Variants in LYPD6B observed in about 807,000 individuals in gnomAD.
LYPD6B encodes LY6/PLAUR domain containing 6B, also known as ly6/PLAUR domain-containing protein 6B.
A neutral mutation model predicts 22.8 loss-of-function variants in LYPD6B; 17 were observed. That is an observed-to-expected ratio of 0.75 (90% CI 0.51 to 1.12). The LOEUF (loss-of-function observed/expected upper bound fraction) is 1.12, where lower values mean the gene tolerates loss of function less well. Ranked by LOEUF, LYPD6B falls within the 50% of genes most tolerant of loss-of-function variation. The probability of loss-of-function intolerance (pLI) is 0.00; values close to 1 mark genes in which losing one functional copy is unlikely to be tolerated. For synonymous variants in LYPD6B, 106 were observed against 91.6 expected, an observed-to-expected ratio of 1.16 and a Z score of -0.90; for missense variants, 221 against 258.3, an observed-to-expected ratio of 0.86 and a Z score of 0.99.
Position 149,194,634 on chromosome 2 carries a change from T to A in LYPD6B, c.78-10619T>A, listed in dbSNP as rs1295014576. On this transcript the variant is annotated intron_variant, in intron 3 of 6. Coordinates refer to ENST00000409642, the MANE Select transcript of LYPD6B (RefSeq NM_177964.5). ...GGAGCTGTGGGACATGATGATAACC[T>A]GATGGGGAGGGAGTCAGGGGAATAA... Among the ~76,000 whole-genome samples the A allele has an allele frequency of 2.6e-5, 4 of 152,180 alleles. No homozygotes were observed. The East Asian group carries it at 7.7e-4, about 29-fold the overall frequency.
chr2:149,214,249 G>A (rs1210596525), intron 6 of LYPD6B, among the ~76,000 whole-genome samples: 1 of 152,046 alleles, frequency 6.6e-6, no homozygotes, highest in Non-Finnish European at 1.5e-5. Context: ...GAAGATTTGT[G>A]GACTCAATCA....
intron 1 of LYPD6B, among the ~76,000 whole-genome samples, chr2:149,051,508 A>G (rs1292854101): frequency 6.6e-6 from 1 of 152,168 alleles, no homozygotes; most frequent in Non-Finnish European, 1.5e-5. Context: ...TCATGAAGGT[A>G]TATCTGTTGC....
intron 1 of LYPD6B, among the ~76,000 whole-genome samples, chr2:149,103,353 A>C (rs1460705042): frequency 1.3e-5 from 2 of 152,198 alleles, no homozygotes; most frequent in South Asian, 4.1e-4. Flanking sequence ...TTCACAGAAC[A>C]TTAAGCTTAA....
At chr2:149,132,777 T>G (rs181535663) in intron 2 of LYPD6B, among the ~76,000 whole-genome samples, 45 of 152,324 alleles carry the variant, frequency 3.0e-4, no homozygotes, top group African/African-American at 1.0e-3. Context: ...GGCAGGCAGT[T>G]TAGTAGAACA....
chr2:149,135,765 T>G (rs1209061949), intron 2 of LYPD6B, among the ~76,000 whole-genome samples: 1 of 139,500 alleles, frequency 7.2e-6, no homozygotes, highest in Non-Finnish European at 1.6e-5. Context: ...TTTTCCAAAC[T>G]ATTTCTGTGG....
At chr2:149,093,224 C>T (rs974328740) in intron 1 of LYPD6B, among the ~76,000 whole-genome samples, 8 of 151,784 alleles carry the variant, frequency 5.3e-5, no homozygotes, top group East Asian at 1.9e-4. Flanking sequence ...TTTTTGGCAA[C>T]GATCAAAGGA....
intron 3 of LYPD6B, among the ~76,000 whole-genome samples, chr2:149,184,024 C>A (rs1380021884): frequency 2.0e-5 from 3 of 152,040 alleles, no homozygotes; most frequent in African/African-American, 7.2e-5. Context: ...GAAACTCCAT[C>A]TCTACTAAAA....
chr2:149,172,406 A>C (rs1690900642), intron 3 of LYPD6B, among the ~76,000 whole-genome samples: 1 of 152,036 alleles, frequency 6.6e-6, no homozygotes, highest in Non-Finnish European at 1.5e-5. Context: ...CCTCCTTCAG[A>C]CCAGTCATCA....
At chr2:149,177,224 T>TG (rs1407533018) in intron 3 of LYPD6B, among the ~76,000 whole-genome samples, 1 of 152,206 alleles carries the variant, frequency 6.6e-6, no homozygotes, top group African/African-American at 2.4e-5. Context: ...GGAGAGAGCC[T>TG]GGAACATCCC....
intron 1 of LYPD6B, among the ~76,000 whole-genome samples, chr2:149,064,546 C>T (rs993868244): frequency 2.0e-5 from 3 of 152,168 alleles, no homozygotes; most frequent in Non-Finnish European, 1.5e-5. Flanking sequence ...TATATTAGGA[C>T]ACTTTGTCAA....
chr2:149,138,661 G>A (rs1688507234), intron 2 of LYPD6B, among the ~76,000 whole-genome samples: 1 of 152,036 alleles, frequency 6.6e-6, no homozygotes, highest in African/African-American at 2.4e-5. Context: ...GTCACCTCAG[G>A]CTCCCAAGTG....
At chr2:149,066,451 T>G (rs1684338381) in intron 1 of LYPD6B, among the ~76,000 whole-genome samples, 1 of 151,822 alleles carries the variant, frequency 6.6e-6, no homozygotes, top group Admixed American at 6.6e-5. Context: ...CTTGGGATAG[T>G]TTGCTGAGAA....
chr2:149,121,804 G>C (rs1275419166), intron 1 of LYPD6B, among the ~76,000 whole-genome samples: 1 of 152,102 alleles, frequency 6.6e-6, no homozygotes, highest in Non-Finnish European at 1.5e-5. Flanking sequence ...AGGATTGGAG[G>C]GAACACCTCA....
At chr2:149,181,429 A>G (rs1691711918) in intron 3 of LYPD6B, among the ~76,000 whole-genome samples, 1 of 151,740 alleles carries the variant, frequency 6.6e-6, no homozygotes, top group Non-Finnish European at 1.5e-5. Context: ...TGCATCTGTG[A>G]TGAATTCTGC....
At chr2:149,158,013 G>A (rs573101267) in intron 2 of LYPD6B, among the ~76,000 whole-genome samples, 4 of 152,246 alleles carry the variant, frequency 2.6e-5, no homozygotes, top group Admixed American at 6.5e-5. Context: ...TTGTAGTCTC[G>A]CTTCAGCTTT....
intron 1 of LYPD6B, among the ~76,000 whole-genome samples, chr2:149,084,808 T>C (rs1457089803): frequency 6.6e-6 from 1 of 152,212 alleles, no homozygotes; most frequent in Non-Finnish European, 1.5e-5. Context: ...TTAGTCCACC[T>C]TTCCCATAGA....
At chr2:149,151,548 T>C (rs1314999551) in intron 2 of LYPD6B, among the ~76,000 whole-genome samples, 1 of 152,202 alleles carries the variant, frequency 6.6e-6, no homozygotes, top group African/African-American at 2.4e-5. Flanking sequence ...TGTCTACTTT[T>C]TAAAAATCAC....
At chr2:149,045,867 T>C (rs1372262807) in intron 1 of LYPD6B, among the ~76,000 whole-genome samples, 5 of 152,146 alleles carry the variant, frequency 3.3e-5, no homozygotes, top group African/African-American at 1.2e-4. Context: ...TATTCTGCTA[T>C]TGATGGGTGG....
chr2:149,151,518 TC>T, intron 2 of LYPD6B, among the ~76,000 whole-genome samples: 1 of 152,292 alleles, frequency 6.6e-6, no homozygotes, highest in African/African-American at 2.4e-5. Flanking sequence ...CAGGAGATGC[TC>T]TGGAGGTCTA....
Sources: gnomAD v4.1 joint callset for allele counts (sites outside exome capture counted in the v4.1 genomes callset) on GRCh38, gnomAD v4.1.1 for gene constraint, MANE v1.5 for transcripts, NCBI Gene and HGNC (gene_info 2026-07-23, HGNC 2026-07-21) for gene names.